Variants in SLC28A2 observed in about 807,000 individuals in gnomAD.
The protein encoded by SLC28A2 is solute carrier family 28 member 2.
A neutral mutation model predicts 72.9 loss-of-function variants in SLC28A2; 69 were observed. The observed-to-expected ratio is 0.95, with a 90% CI of 0.78 to 1.16. The LOEUF is 1.16. Ranked by LOEUF, SLC28A2 falls within the 50% of genes most tolerant of loss-of-function variation. SLC28A2 has a pLI of 0.00. For synonymous variants in SLC28A2, 296 were observed against 294.1 expected, an observed-to-expected ratio of 1.01 and a Z score of -0.07; for missense variants, 745 against 791.1, an observed-to-expected ratio of 0.94 and a Z score of 0.70.
At position 45,268,246 on chromosome 15, in the gene SLC28A2, A is replaced by G. The variant is rs1900409509; in HGVS notation, c.1236A>G (p.Gly412=). ...ATGTCCTGGAAGCTGCCAGCAACGG[A>G]GCCGTAGATGCCATAGGCCTTGCTA... ...ERNVLEAASN[G]AVDAIGLATN... The change falls in exon 13 of 18, where the codon GGA becomes GGG. Residue 412 remains glycine (G), a synonymous_variant. Transcript: ENST00000347644. 1.2e-6 allele frequency: 2 copies of G among 1,610,140 alleles called. No individual in the cohort carries two copies. Among genetic ancestry groups the G allele is most frequent in the East Asian group, 2.2e-5 (1 of 44,752 alleles).
In SLC28A2 at chr15:45,276,943, G is replaced by C. The variant is rs1341169899; in HGVS notation, c.*1430G>C. 6.6e-6 allele frequency: 1 copy of C among 150,764 alleles called. No homozygotes were observed. The highest frequency in any genetic ancestry group is 2.5e-5 in the African/African-American group (1 of 40,764). The allele number at this position is 150,764 out of a possible 1,614,324, so 9.3% of individuals were successfully genotyped here. A position where few individuals can be genotyped will look rare whatever the true frequency, so the allele number is the denominator to read the frequency against. ...TTAGTGCTAGCCACATTTGCTCCAA[G>C]TTTATGGGGAAGCCTTTAAAACAGT... On this transcript the variant is annotated 3_prime_UTR_variant, in exon 18 of 18. Transcript: ENST00000347644.
intron 3 of SLC28A2, 112 bp downstream of exon 3, chr15:45,253,632 T>C (rs1220088312): frequency 2.7e-5 from 17 of 620,004 alleles, no homozygotes; most frequent in Non-Finnish European, 4.7e-5. Context: ...TGTACATATA[T>C]ATATGTATCT....
Position 45,269,428 on chromosome 15 carries a change from A to G in SLC28A2, c.1459A>G (p.Lys487Glu). 6.2e-7 allele frequency: 1 copy of G among 1,614,130 alleles called. No individual in the cohort carries two copies. Among genetic ancestry groups the G allele is most frequent in the Non-Finnish European group, 8.5e-7 (1 of 1,179,976 alleles). The change falls in exon 14 of 18, where the codon AAG becomes GAG. Residue 487 changes from lysine to glutamate, a missense_variant. Physicochemically the swap from Lys to Glu is moderately conservative, Grantham distance 56 (BLOSUM62 1). Transcript: ENST00000347644. Reference sequence around the variant, plus strand: ...AATGGTGGCTGAGATGGTGGGAATCAAGTTCTTCATAAATGAGTTTGTGGC... The same window carrying G: ...AATGGTGGCTGAGATGGTGGGAATCGAGTTCTTCATAAATGAGTTTGTGGC... Reference protein sequence around the residue: ...CPMVAEMVGIKFFINEFVAYQ... With the variant: ...CPMVAEMVGIEFFINEFVAYQ...
chr15:45,252,397 A>G (rs141975414), intron 1 of SLC28A2, 119 bp downstream of exon 1: 103 of 425,958 alleles, frequency 2.4e-4, no homozygotes, highest in African/African-American at 2.0e-3. Context: ...TTTACACAAT[A>G]TAAGTTGGTT....
chr15:45,253,505 C>G lies in SLC28A2; in HGVS notation c.155C>G (p.Pro52Arg), dbSNP rs780837388. 8.7e-6 allele frequency: 14 copies of G among 1,612,194 alleles called. No homozygotes were observed. The highest frequency in any genetic ancestry group is 1.7e-4 in the Middle Eastern group (1 of 5,984). ...CACAGCCTGGGGGATGGACTGGGCC[C>G]TTCCACTTACCAGAGGTACTGGTGT... ...QGHSLGDGLG[P>R]STYQRRSRWP... Residue 52 changes from proline (P) to arginine (R), a missense_variant, in exon 3 of 18, where the codon CCT becomes CGT. Coordinates refer to ENST00000347644, the MANE Select transcript of SLC28A2 (RefSeq NM_004212.4).
chr15:45,263,150 C>T lies in SLC28A2; in HGVS notation c.352C>T (p.Leu118=), dbSNP rs1453097143. The T allele has an allele frequency of 6.2e-7, 1 of 1,614,024 alleles. No homozygotes were observed. Among genetic ancestry groups the T allele is most frequent in the Admixed American group, 1.7e-5 (1 of 60,000 alleles). The change falls in exon 5 of 18, where the codon CTG becomes TTG. Residue 118 remains leucine, a synonymous_variant. Transcript: ENST00000347644. The stretch of plus-strand genomic sequence containing the variant: ...CATCACCTGCTTGGTGATCTTTGTC[C>T]TGGTTCACTCGTTTTTGAAAAAGCT... ...FVITCLVIFV[L]VHSFLKKLLG...
At chr15:45,270,325 G>A (rs759399315) in intron 15 of SLC28A2, 49 bp downstream of exon 15, 3 of 1,297,424 alleles carry the variant, frequency 2.3e-6, no homozygotes, top group Admixed American at 3.4e-5. Flanking sequence ...CCAGATCCCA[G>A]CTTCTGTAGT....
chr15:45,275,754 T>C lies in SLC28A2; in HGVS notation c.*241T>C, dbSNP rs1481218804. On this transcript the variant is annotated 3_prime_UTR_variant, in exon 18 of 18. Coordinates refer to ENST00000347644, the MANE Select transcript of SLC28A2 (RefSeq NM_004212.4). ...ATCGAGACCATCCTGGCTAACACAG[T>C]GAAACCCCGTCTCTACTAAAAATAC... The C allele has an allele frequency of 3.3e-6, 1 of 305,820 alleles. No individual in the cohort carries two copies. The allele number at this position is 305,820 out of a possible 1,614,324, so 18.9% of individuals were successfully genotyped here. A position where few individuals can be genotyped will look rare whatever the true frequency, so the allele number is the denominator to read the frequency against.
At chr15:45,252,310 C>G (rs544077791) in intron 1 of SLC28A2, 32 bp downstream of exon 1, 353 of 455,688 alleles carry the variant, frequency 7.7e-4, no homozygotes, top group Non-Finnish European at 1.2e-3. Flanking sequence ...AGGGCAGGTG[C>G]CTAATTTACA....
chr15:45,268,379 G>C lies in SLC28A2; in HGVS notation c.1368+1G>C, dbSNP rs375484320. The C allele has an allele frequency of 1.3e-6, 2 of 1,584,030 alleles. No individual in the cohort carries two copies. The highest frequency in any genetic ancestry group is 8.6e-7 in the Non-Finnish European group (1 of 1,156,602). On this transcript the variant is annotated splice_donor_variant, in intron 13 of 17. Coordinates refer to ENST00000347644, the MANE Select transcript of SLC28A2 (RefSeq NM_004212.4). LOFTEE classifies it high-confidence loss of function. ...GGACATACAGGGGCTCACTTTCCAG[G>C]TAAAGGATTACATTTGTTGGGCTGT... is the stretch of plus-strand genomic sequence containing the variant.
intron 7 of SLC28A2, 140 bp downstream of exon 7, chr15:45,264,908 G>C: frequency 1.4e-6 from 1 of 732,230 alleles, no homozygotes; most frequent in Non-Finnish European, 2.4e-6. Context: ...AGTGTACTAG[G>C]ATACAGCTAA....
Position 45,253,357 on chromosome 15 carries a change from G to A in SLC28A2, c.81+61G>A, listed in dbSNP as rs867830573. On this transcript the variant is annotated intron_variant, in intron 2 of 17. Transcript: ENST00000347644. The stretch of plus-strand genomic sequence containing the variant: ...GGGCTGCTGCATGGGCTCCTGTAGG[G>A]TATTTGGCTGCTCTCAATCCCCATC... The A allele has an allele frequency of 2.6e-6, 4 of 1,549,324 alleles. No homozygotes were observed. In the African/African-American group the frequency reaches 5.4e-5, roughly 21 times the overall value.
chr15:45,255,266 A>AG (rs398118804), intron 3 of SLC28A2: 1 of 149,250 alleles, frequency 6.7e-6, no homozygotes. Flanking sequence ...AAAAAAAAAA[A>AG]GAAGAAAGAA....
chr15:45,262,075 C>T lies in SLC28A2; in HGVS notation c.231C>T (p.Phe77=), dbSNP rs1246635772. The change falls in exon 4 of 18, where the codon TTC becomes TTT. Residue 77 remains phenylalanine, a synonymous_variant. Coordinates refer to ENST00000347644, the MANE Select transcript of SLC28A2 (RefSeq NM_004212.4). ...TCTGCAAAACACACGCCAGCTTGTT[C>T]AAGAAGATCCTGTTGGGCCTGTTGT... ...RSFCKTHASL[F]KKILLGLLCL... The T allele has an allele frequency of 6.2e-7, 1 of 1,612,796 alleles. No homozygotes were observed. Among genetic ancestry groups the T allele is most frequent in the Non-Finnish European group, 8.5e-7 (1 of 1,178,908 alleles).
Position 45,276,689 on chromosome 15 carries a change from A to G in SLC28A2, c.*1176A>G, listed in dbSNP as rs988963865. 1.3e-5 allele frequency: 2 copies of G among 152,158 alleles called. No homozygotes were observed. The highest frequency in any genetic ancestry group is 6.5e-5 in the Admixed American group (1 of 15,272). 9.4% of individuals were successfully genotyped at this position (152,158 alleles called of 1,614,324 possible). A position where few individuals can be genotyped will look rare whatever the true frequency, so the allele number is the denominator to read the frequency against. ...TGTAATTTGCCTGGGACGGGGGAGA[A>G]GCTACATTTATTGGCATTGTGGATG... On this transcript the variant is annotated 3_prime_UTR_variant, in exon 18 of 18. Coordinates refer to ENST00000347644, the MANE Select transcript of SLC28A2 (RefSeq NM_004212.4).
chr15:45,256,849 C>T (rs901999479), intron 3 of SLC28A2, among the ~76,000 whole-genome samples: 1 of 152,082 alleles, frequency 6.6e-6, no homozygotes, highest in Non-Finnish European at 1.5e-5. Context: ...TAGCTTCTAC[C>T]AAAACTACCT....
rs1430840078 is a variant in SLC28A2, at chr15:45,263,974, C to G, written c.540C>G (p.Ile180Met). 3.1e-6 allele frequency: 5 copies of G among 1,613,758 alleles called. No individual in the cohort carries two copies. Among genetic ancestry groups the G allele is most frequent in the Non-Finnish European group, 3.4e-6 (4 of 1,179,850 alleles). ...AGCAGCTGATCCCCTTTGCAGGAAT[C>G]TGCATGTTCATCCTTATCCTCTTTG... ...RPEQLIPFAG[I>M]CMFILILFAC... The change falls in exon 6 of 18, where the codon ATC becomes ATG. Residue 180 changes from isoleucine to methionine, a missense_variant. By Grantham distance (10) the Ile-to-Met change is conservative. Transcript: ENST00000347644.
rs1900732964 is a variant in SLC28A2 at position 45,275,649 on chromosome 15, T to C, written c.*136T>C. The C allele has an allele frequency of 1.5e-6, 1 of 669,028 alleles. No homozygotes were observed. The highest frequency in any genetic ancestry group is 2.6e-5 in the East Asian group (1 of 38,720). The allele number at this position is 669,028 out of a possible 1,614,324, so 41.4% of individuals were successfully genotyped here. A position where few individuals can be genotyped will look rare whatever the true frequency, so the allele number is the denominator to read the frequency against. On this transcript the variant is annotated 3_prime_UTR_variant, in exon 18 of 18. Coordinates refer to ENST00000347644, the MANE Select transcript of SLC28A2 (RefSeq NM_004212.4). The stretch of plus-strand genomic sequence containing the variant: ...AGTAACAGTAAATGTAAAAGATTCA[T>C]TTTGGGCCGGGCTCAGTGGCTCATG...
chr15:45,267,099 A>G (rs1900362026), intron 10 of SLC28A2, among the ~76,000 whole-genome samples: 1 of 152,224 alleles, frequency 6.6e-6, no homozygotes, highest in African/African-American at 2.4e-5. Flanking sequence ...CATTAAGTGC[A>G]CTGCATTCCG....
Sources: allele counts gnomAD v4.1 joint callset (sites outside exome capture counted in the v4.1 genomes callset), GRCh38; gene constraint gnomAD v4.1.1; transcripts MANE v1.5; gene names NCBI Gene and HGNC (gene_info 2026-07-23, HGNC 2026-07-21).